XRCC4: variants seen among roughly 807,000 people sequenced by gnomAD.
XRCC4 encodes the protein DNA repair protein XRCC4.
In XRCC4, 28 loss-of-function variants were observed where a neutral mutation model predicts 39.1. That is an observed-to-expected ratio of 0.72 (90% CI 0.53 to 0.98). The LOEUF is 0.98. XRCC4 is among the 50% of genes least tolerant of loss of function. The probability of loss-of-function intolerance (pLI) is 0.00; values close to 1 mark genes in which losing one functional copy is unlikely to be tolerated. For synonymous variants in XRCC4, 123 were observed against 126.4 expected, an observed-to-expected ratio of 0.97 and a Z score of 0.18; for missense variants, 350 against 376.4, an observed-to-expected ratio of 0.93 and a Z score of 0.58.
intron 6 of XRCC4, 135 bp downstream of exon 6, chr5:83,205,056 A>C (rs1283423809): frequency 1.8e-5 from 11 of 602,784 alleles, no homozygotes; most frequent in Non-Finnish European, 3.0e-5. Flanking sequence ...TTTATTTTAA[A>C]AACTCAAATT....
At chr5:83,219,974 A>G (rs1752018208) in intron 6 of XRCC4, among the ~76,000 whole-genome samples, 1 of 152,124 alleles carries the variant, frequency 6.6e-6, no homozygotes, top group Non-Finnish European at 1.5e-5. Flanking sequence ...TCTAGAATAG[A>G]TTTATATTAC....
chr5:83,245,786 G>T (rs1164667042), intron 6 of XRCC4, among the ~76,000 whole-genome samples: 2 of 151,938 alleles, frequency 1.3e-5, no homozygotes, highest in Non-Finnish European at 2.9e-5. Context: ...AAAAGTTTCA[G>T]TAAAAATCTA....
At chr5:83,349,446 T>C (rs998770988) in intron 7 of XRCC4, among the ~76,000 whole-genome samples, 4 of 152,232 alleles carry the variant, frequency 2.6e-5, no homozygotes, top group Non-Finnish European at 4.4e-5. Flanking sequence ...CTAAATTTAC[T>C]CTATTGACTT....
At chr5:83,304,166 T>C (rs1454301986) in intron 7 of XRCC4, among the ~76,000 whole-genome samples, 1 of 151,614 alleles carries the variant, frequency 6.6e-6, no homozygotes, top group Non-Finnish European at 1.5e-5. Flanking sequence ...ATTACTGGGC[T>C]GTTAAACAAC....
At chr5:83,120,083 TATGTTGTAAAAGGAC>T (rs1350149069) in intron 3 of XRCC4, among the ~76,000 whole-genome samples, 1 of 150,682 alleles carries the variant, frequency 6.6e-6, no homozygotes, top group Non-Finnish European at 1.5e-5. Flanking sequence ...TTGTAAAAAC[TATGTTGTAAAAGGAC>T]ATTTCAATTT....
chr5:83,101,916 T>TA (rs1745957387), intron 1 of XRCC4, among the ~76,000 whole-genome samples: 1 of 148,504 alleles, frequency 6.7e-6, no homozygotes. Flanking sequence ...AAACAAAGGA[T>TA]AGAGTAAAAG....
intron 7 of XRCC4, among the ~76,000 whole-genome samples, chr5:83,287,057 G>T (rs1048544292): frequency 2.0e-5 from 3 of 152,036 alleles, no homozygotes; most frequent in Non-Finnish European, 2.9e-5. Context: ...CGTGTATGTT[G>T]TGTATCTAGG....
At chr5:83,081,302 C>A (rs921435307) in intron 1 of XRCC4, among the ~76,000 whole-genome samples, 1 of 152,136 alleles carries the variant, frequency 6.6e-6, no homozygotes, top group South Asian at 2.1e-4. Flanking sequence ...CTGTTATTCA[C>A]ATATATTGAA....
intron 6 of XRCC4, among the ~76,000 whole-genome samples, chr5:83,211,010 G>T (rs1048675734): frequency 6.6e-6 from 1 of 152,042 alleles, no homozygotes; most frequent in Non-Finnish European, 1.5e-5. Context: ...AATGTTATTT[G>T]TCTCTGACTA....
At chr5:83,153,104 T>C (rs749036097) in intron 3 of XRCC4, among the ~76,000 whole-genome samples, 1 of 152,238 alleles carries the variant, frequency 6.6e-6, no homozygotes, top group Admixed American at 6.5e-5. Context: ...AATTTTGTTC[T>C]ATCAGTGGAA....
rs28383137 is a variant in XRCC4 at position 83,104,788 on chromosome 5, GT to G, written c.-10-115del. The G allele has an allele frequency of 4.0e-3, 3,160 of 796,960 alleles. 96 individuals are homozygous for G. The African/African-American group carries it at 0.051, about 13-fold the overall frequency. 49.4% of individuals were successfully genotyped at this position (796,960 alleles called of 1,614,324 possible). A position where few individuals can be genotyped will look rare whatever the true frequency, so the allele number is the denominator to read the frequency against. On this transcript the variant is annotated intron_variant, in intron 1 of 7. Transcript: ENST00000396027. ...ATCTAATGGTTGAACCTATTATACA[GT>G]TTTTTTGTTTTGCTTATTTTCTTAT...
intron 7 of XRCC4, among the ~76,000 whole-genome samples, chr5:83,283,093 A>G (rs1754607357): frequency 6.6e-6 from 1 of 151,954 alleles, no homozygotes; most frequent in Non-Finnish European, 1.5e-5. Flanking sequence ...CAAAAAAGGA[A>G]TTGACAACAA....
intron 6 of XRCC4, among the ~76,000 whole-genome samples, chr5:83,248,600 C>T (rs1392538690): frequency 6.6e-6 from 1 of 152,072 alleles, no homozygotes; most frequent in Non-Finnish European, 1.5e-5. Flanking sequence ...ACAGCATGCT[C>T]ATAATAAGGA....
At chr5:83,103,096 T>G (rs910128816) in intron 1 of XRCC4, among the ~76,000 whole-genome samples, 1 of 149,032 alleles carries the variant, frequency 6.7e-6, no homozygotes, top group African/African-American at 2.5e-5. Context: ...GAATGCTAGG[T>G]GTAAAACTCT....
intron 3 of XRCC4, among the ~76,000 whole-genome samples, chr5:83,148,749 T>C (rs1748572742): frequency 6.6e-6 from 1 of 151,956 alleles, no homozygotes; most frequent in South Asian, 2.1e-4. Flanking sequence ...TTGTGAGGGG[T>C]GAAGGTATCA....
chr5:83,231,074 G>A lies in XRCC4; in HGVS notation c.745+26153G>A, dbSNP rs117480063. 2.8e-3 allele frequency among the ~76,000 whole-genome samples: 429 copies of A among 152,124 alleles called. 10 individuals are homozygous for A. The East Asian group carries it at 0.072, about 25-fold the overall frequency. ...CGTAAAATACATGTCTGTAAGGAGA[G>A]GCAGCATAGCCTATTTTAGTGGAAA... On this transcript the variant is annotated intron_variant, in intron 6 of 7. Coordinates refer to ENST00000396027, the MANE Select transcript of XRCC4 (RefSeq NM_003401.5).
chr5:83,264,007 C>A (rs1485252829), intron 7 of XRCC4, among the ~76,000 whole-genome samples: 1 of 152,134 alleles, frequency 6.6e-6, no homozygotes, highest in Admixed American at 6.6e-5. Context: ...AGTCTTGTGG[C>A]TACAAGGTGC....
intron 3 of XRCC4, among the ~76,000 whole-genome samples, chr5:83,161,492 C>T (rs936150119): frequency 8.5e-5 from 13 of 152,108 alleles, no homozygotes; most frequent in African/African-American, 2.7e-4. Flanking sequence ...TTAATAGAGA[C>T]ACTACCTTTT....
intron 1 of XRCC4, among the ~76,000 whole-genome samples, chr5:83,103,411 A>C (rs1042297353): frequency 6.6e-6 from 1 of 152,144 alleles, no homozygotes; most frequent in Non-Finnish European, 1.5e-5. Context: ...ATTGGCTAAC[A>C]TGAAAACCAT....
Sources: allele counts gnomAD v4.1 joint callset (sites outside exome capture counted in the v4.1 genomes callset), GRCh38; gene constraint gnomAD v4.1.1; transcripts MANE v1.5; gene names NCBI Gene and HGNC (gene_info 2026-07-23, HGNC 2026-07-21).